NRG3: variants seen among roughly 807,000 people sequenced by gnomAD.
The protein encoded by NRG3 is neuregulin 3.
NRG3 carries 31 observed loss-of-function variants against 66.9 expected under a neutral mutation model. The ratio of observed to expected loss-of-function variants is 0.46; its 90% CI spans 0.35 to 0.63. The LOEUF (loss-of-function observed/expected upper bound fraction) is 0.63. Ranked by LOEUF, NRG3 falls within the 20% of genes least tolerant of loss-of-function variation. The pLI is 0.00. For missense variants in NRG3, 910 were observed against 878.9 expected (o/e 1.04, Z -0.45); for synonymous variants, 393 against 359.4 (o/e 1.09, Z -1.06).
chr10:82,489,473 T>A (rs1486559113), intron 2 of NRG3, among the ~76,000 whole-genome samples: 1 of 152,102 alleles, frequency 6.6e-6, no homozygotes, highest in African/African-American at 2.4e-5. Flanking sequence ...GCCTGGGTCA[T>A]GGTAGGTAGG....
At chr10:82,869,767 C>T (rs1841135346) in intron 4 of NRG3, among the ~76,000 whole-genome samples, 1 of 151,720 alleles carries the variant, frequency 6.6e-6, no homozygotes, top group African/African-American at 2.4e-5. Flanking sequence ...ATCACCATGC[C>T]CGGCTAATTT....
At chr10:82,945,131 T>C (rs1235359970) in intron 4 of NRG3, among the ~76,000 whole-genome samples, 1 of 152,200 alleles carries the variant, frequency 6.6e-6, no homozygotes, top group Non-Finnish European at 1.5e-5. Context: ...CTCAGCTTGC[T>C]TTTCTGTCTT....
intron 2 of NRG3, among the ~76,000 whole-genome samples, chr10:82,637,457 G>C (rs187807090): frequency 6.6e-6 from 1 of 152,128 alleles, no homozygotes; most frequent in African/African-American, 2.4e-5. Context: ...AATCTACATT[G>C]AAGAGGCCAG....
intron 3 of NRG3, among the ~76,000 whole-genome samples, chr10:82,855,474 T>C (rs973668583): frequency 6.6e-6 from 1 of 152,124 alleles, no homozygotes; most frequent in Admixed American, 6.6e-5. Flanking sequence ...CTAGGCTCAC[T>C]GCAACCTCGA....
intron 1 of NRG3, among the ~76,000 whole-genome samples, chr10:81,905,404 A>T (rs1396142066): frequency 6.6e-6 from 1 of 152,138 alleles, no homozygotes; most frequent in East Asian, 1.9e-4. Context: ...TGGACCACAG[A>T]CCTGAGTTAC....
At chr10:82,479,507 A>C (rs1418576159) in intron 2 of NRG3, among the ~76,000 whole-genome samples, 1 of 144,962 alleles carries the variant, frequency 6.9e-6, no homozygotes, top group Admixed American at 6.9e-5. Flanking sequence ...GAGGGAAAAA[A>C]AAAAAAACAG....
intron 2 of NRG3, among the ~76,000 whole-genome samples, chr10:82,470,251 T>G (rs532482516): frequency 6.6e-6 from 1 of 152,272 alleles, no homozygotes; most frequent in East Asian, 1.9e-4. Context: ...TCAGTGAGAG[T>G]CAAGAAACTT....
chr10:82,621,942 A>C (rs899783605), intron 2 of NRG3, among the ~76,000 whole-genome samples: 5 of 152,192 alleles, frequency 3.3e-5, no homozygotes, highest in African/African-American at 1.2e-4. Context: ...GCAAGGCTTC[A>C]CTTTTCCTAC....
intron 1 of NRG3, among the ~76,000 whole-genome samples, chr10:82,133,399 T>A (rs2069084579): frequency 1.3e-5 from 2 of 152,148 alleles, no homozygotes; most frequent in Non-Finnish European, 2.9e-5. Flanking sequence ...TTTCTGTTCG[T>A]CTCCCTCCTG....
At chr10:82,672,533 C>A (rs1218259150) in intron 2 of NRG3, among the ~76,000 whole-genome samples, 3 of 152,076 alleles carry the variant, frequency 2.0e-5, no homozygotes, top group Admixed American at 6.5e-5. Flanking sequence ...TCATTTACGA[C>A]TAATTACAGC....
At chr10:82,500,320 A>G (rs1036063878) in intron 2 of NRG3, among the ~76,000 whole-genome samples, 3 of 152,146 alleles carry the variant, frequency 2.0e-5, no homozygotes, top group Non-Finnish European at 4.4e-5. Context: ...AACCATATTA[A>G]TCACATAAAC....
At chr10:82,437,096 G>C (rs900542213) in intron 2 of NRG3, among the ~76,000 whole-genome samples, 1 of 152,024 alleles carries the variant, frequency 6.6e-6, no homozygotes, top group Non-Finnish European at 1.5e-5. Flanking sequence ...TTTCTAGGTT[G>C]GGGAAGTTCT....
chr10:82,188,305 A>G (rs2073931070), intron 1 of NRG3, among the ~76,000 whole-genome samples: 1 of 152,168 alleles, frequency 6.6e-6, no homozygotes, highest in Non-Finnish European at 1.5e-5. Context: ...ACAAACATCA[A>G]ATCAAAATGG....
intron 3 of NRG3, among the ~76,000 whole-genome samples, chr10:82,836,058 G>A (rs77859879): frequency 0.01 from 1,588 of 152,194 alleles, 35 homozygotes; most frequent in African/African-American, 0.037. Context: ...TAAAAAATCA[G>A]AATAATAATA....
intron 1 of NRG3, among the ~76,000 whole-genome samples, chr10:82,210,530 GGCTGGAAGAGCACAGGGTGCT>G (rs1339148517): frequency 6.6e-6 from 1 of 152,122 alleles, no homozygotes; most frequent in East Asian, 1.9e-4. Flanking sequence ...CAAACTTTGG[GGCTGGAAGAGCACAGGGTGCT>G]GCAAGAAGCA....
intron 3 of NRG3, among the ~76,000 whole-genome samples, chr10:82,798,142 C>T (rs7924091): frequency 6.6e-6 from 1 of 151,680 alleles, no homozygotes; most frequent in Non-Finnish European, 1.5e-5. Context: ...ACTCACAGTA[C>T]CTTGTACCCT....
At chr10:82,697,943 G>A (rs571133681) in intron 2 of NRG3, among the ~76,000 whole-genome samples, 57 of 152,212 alleles carry the variant, frequency 3.7e-4, no homozygotes, top group African/African-American at 1.3e-3. Context: ...TGCAGGTGAA[G>A]CACAGTTGCC....
At chr10:82,524,314 A>G (rs978681743) in intron 2 of NRG3, among the ~76,000 whole-genome samples, 1 of 152,026 alleles carries the variant, frequency 6.6e-6, no homozygotes, top group East Asian at 1.9e-4. Context: ...GAATGGGACT[A>G]CTTAAAGGGT....
chr10:82,007,167 A>G (rs913807133), intron 1 of NRG3, among the ~76,000 whole-genome samples: 3 of 150,706 alleles, frequency 2.0e-5, no homozygotes, highest in African/African-American at 4.9e-5. Flanking sequence ...TCATTGTGCT[A>G]TTATAAAAGT....
Sources: allele counts gnomAD v4.1 joint callset (sites outside exome capture counted in the v4.1 genomes callset), GRCh38; gene constraint gnomAD v4.1.1; transcripts MANE v1.5; gene names NCBI Gene and HGNC (gene_info 2026-07-23, HGNC 2026-07-21).